Variants in BRCA1 observed in about 807,000 individuals in gnomAD.
BRCA1 encodes the protein breast cancer type 1 susceptibility protein.
In BRCA1, 140 loss-of-function variants were observed where a neutral mutation model predicts 173.7. That is an observed-to-expected ratio of 0.81 (90% CI 0.70 to 0.93). BRCA1 has a LOEUF of 0.93. BRCA1 is among the 40% of genes least tolerant of loss of function. The probability of loss-of-function intolerance (pLI) is 0.00; values close to 1 mark genes in which losing one functional copy is unlikely to be tolerated. For synonymous variants in BRCA1, 662 were observed against 756.0 expected (o/e 0.88, Z 2.04); for missense variants, 1,983 against 2,172.5 (o/e 0.91, Z 1.73).
intron 8 of BRCA1, 57 bp downstream of exon 8, chr17:43,097,187 A>C: frequency 1.3e-6 from 2 of 1,482,850 alleles, no homozygotes; most frequent in Non-Finnish European, 1.9e-6. Context: ...ATCAATCCTT[A>C]ATATTAACTA....
Position 43,144,818 on chromosome 17 carries a change from C to T in BRCA1, c.-19-20703G>A, listed in dbSNP as rs1212106903. The stretch of plus-strand genomic sequence containing the variant: ...GGTGGTTCATCTAAGGTCTGGAGTT[C>T]GAGACCAGCCTGGCCAACATAGCGA... On this transcript the variant is annotated intron_variant, in intron 1 of 7. Transcript: ENST00000634433. The T allele has an allele frequency of 9.5e-6, 4 of 421,812 alleles. No individual in the cohort carries two copies. The East Asian group carries it at 1.8e-4, about 19-fold the overall frequency. 26.1% of individuals were successfully genotyped at this position (421,812 alleles called of 1,614,324 possible).
At chr17:43,089,792 A>G (rs1365142344) in intron 11 of BRCA1, among the ~76,000 whole-genome samples, 1 of 151,838 alleles carries the variant, frequency 6.6e-6, no homozygotes, top group Non-Finnish European at 1.5e-5. Context: ...GGATCACTTG[A>G]GCCCAGGATT....
intron 5 of BRCA1, among the ~76,000 whole-genome samples, 191 bp downstream of exon 5, chr17:43,104,677 G>A (rs1485514631): frequency 7.9e-5 from 12 of 152,186 alleles, no homozygotes; most frequent in African/African-American, 2.9e-4. Context: ...TGAAAAATGT[G>A]CACCTTACGA....
At chr17:43,151,560 C>T (rs1051588247) in intron 1 of BRCA1, among the ~76,000 whole-genome samples, 2 of 152,142 alleles carry the variant, frequency 1.3e-5, no homozygotes, top group Non-Finnish European at 2.9e-5. Context: ...ATTATAAATA[C>T]ATCTTTGTGC....
chr17:43,138,884 A>G, intron 1 of BRCA1: 1 of 778,746 alleles, frequency 1.3e-6, no homozygotes, highest in Non-Finnish European at 2.4e-6. Flanking sequence ...CGGTGTCCCA[A>G]GTTTCCTGAC....
At chr17:43,163,079 G>A (rs1432206115) in intron 1 of BRCA1, 1 of 152,188 alleles carries the variant, frequency 6.6e-6, no homozygotes, top group Non-Finnish European at 1.5e-5. Flanking sequence ...AGGTCCTTTG[G>A]TAGTCATTAA....
chr17:43,055,370 G>A (rs953485712), intron 19 of BRCA1, among the ~76,000 whole-genome samples: 1 of 152,206 alleles, frequency 6.6e-6, no homozygotes, highest in Non-Finnish European at 1.5e-5. Context: ...ATTGGAGGCC[G>A]GGTGCAGTGG....
intron 7 of BRCA1, among the ~76,000 whole-genome samples, chr17:43,098,486 G>A (rs1224783283): frequency 6.6e-6 from 1 of 151,362 alleles, no homozygotes; most frequent in Non-Finnish European, 1.5e-5. Context: ...AGCCTCCCAA[G>A]TAGCTGGGAT....
chr17:43,079,106 G>A (rs1354060363), intron 12 of BRCA1, among the ~76,000 whole-genome samples: 2 of 151,864 alleles, frequency 1.3e-5, no homozygotes, highest in African/African-American at 2.4e-5. Context: ...AGGCTGAGGC[G>A]GACATTGTAA....
At position 43,091,666 on chromosome 17, in the gene BRCA1, T is replaced by G. The variant is rs1064795449; in HGVS notation, c.3865A>C (p.Thr1289Pro). ...ASQEHHLSEE[T>P]KCSASLFSSQ... Reference sequence around the variant, plus strand: ...GAAAACAAGCTAGCAGAACATTTTGTTTCCTCACTAAGGTGATGTTCCTGA... The same window carrying G: ...GAAAACAAGCTAGCAGAACATTTTGGTTCCTCACTAAGGTGATGTTCCTGA... Residue 1289 changes from threonine (T) to proline (P), a missense_variant, in exon 10 of 23, where the codon ACA becomes CCA. Thr to Pro is a conservative substitution (Grantham distance 38). Coordinates refer to ENST00000357654, the MANE Select transcript of BRCA1 (RefSeq NM_007294.4). 1 of 1,614,250 alleles carries G rather than the reference T, an allele frequency of 6.2e-7. No homozygotes were observed. Among genetic ancestry groups the G allele is most frequent in the African/African-American group, 1.3e-5 (1 of 75,078 alleles).
rs572585822 is a variant in BRCA1, at chr17:43,105,072, A to G, written c.213-116T>C. The G allele has an allele frequency of 5.1e-5, 41 of 811,578 alleles. No individual in the cohort carries two copies. The Admixed American group carries it at 6.4e-4, about 13-fold the overall frequency. The allele number at this position is 811,578 out of a possible 1,614,324, so 50.3% of individuals were successfully genotyped here. A position where few individuals can be genotyped will look rare whatever the true frequency, so the allele number is the denominator to read the frequency against. On this transcript the variant is annotated intron_variant, in intron 4 of 22. Coordinates refer to ENST00000357654, the MANE Select transcript of BRCA1 (RefSeq NM_007294.4). ...AAATAAGATGCAGCAACAGTAGAAA[A>G]CCTCTATAATCAATACATCATTGAC...
In BRCA1 at chr17:43,090,867, T is replaced by C. The variant is rs1020513767; in HGVS notation, c.4185+77A>G. On this transcript the variant is annotated intron_variant, in intron 11 of 22. Transcript: ENST00000357654. ...TTCAAAGAGATGATGTCAGCAAACC[T>C]AAGAATGTGGGATACATACTACTGA... 29 of 1,337,636 alleles carry C rather than the reference T, an allele frequency of 2.2e-5. 1 individual carries two copies. The South Asian group carries it at 3.4e-4, about 16-fold the overall frequency. 82.9% of individuals were successfully genotyped at this position (1,337,636 alleles called of 1,614,324 possible).
intron 18 of BRCA1, among the ~76,000 whole-genome samples, chr17:43,059,593 C>T (rs1325780694): frequency 6.6e-6 from 1 of 152,046 alleles, no homozygotes; most frequent in Non-Finnish European, 1.5e-5. Context: ...CCCTACCATG[C>T]CTTCTTCATC....
At position 43,045,117 on chromosome 17, in the gene BRCA1, T is replaced by C. The variant is rs1432195504; in HGVS notation, c.*561A>G. 1.9e-6 allele frequency: 1 copy of C among 533,474 alleles called. No individual in the cohort carries two copies. The highest frequency in any genetic ancestry group is 1.9e-5 in the African/African-American group (1 of 53,806). The allele number at this position is 533,474 out of a possible 1,614,324, so 33.0% of individuals were successfully genotyped here. On this transcript the variant is annotated 3_prime_UTR_variant, in exon 23 of 23. Transcript: ENST00000357654. ...CCATGCCCAGGTTTCAAGTTTCCTTTTCATTTCTAATACCTGCCTCAGAAT... is the reference window on the plus strand; with the variant it reads ...CCATGCCCAGGTTTCAAGTTTCCTTCTCATTTCTAATACCTGCCTCAGAAT...
At chr17:43,125,979 T>C (rs3092986), upstream of BRCA1, among the ~76,000 whole-genome samples, 6,829 of 137,476 alleles carry the variant, frequency 0.05, 208 homozygotes, top group Non-Finnish European at 0.072. Flanking sequence ...TCAACAGTTA[T>C]GGACTGGAGT....
chr17:43,076,489 T>C lies in BRCA1; in HGVS notation c.4483A>G (p.Arg1495Gly). Reference sequence around the variant, plus strand: ...CATCTTTACATTGATGTTTCTTACCTTTCCACTCCTGGTTCTTTATTTTTA... The same window carrying C: ...CATCTTTACATTGATGTTTCTTACCCTTCCACTCCTGGTTCTTTATTTTTA... The part of the protein sequence containing the change: ...TSKNKEPGVE[R>G]SSPSKCPSLD... Residue 1495 changes from arginine to glycine, a missense_variant and splice_region_variant, in exon 13 of 23, where the codon AGG becomes GGG. Physicochemically the swap from Arg to Gly is moderately radical, Grantham distance 125. Coordinates refer to ENST00000357654, the MANE Select transcript of BRCA1 (RefSeq NM_007294.4). The C allele has an allele frequency of 6.2e-7, 1 of 1,613,670 alleles. No homozygotes were observed. Among genetic ancestry groups the C allele is most frequent in the Non-Finnish European group, 8.5e-7 (1 of 1,179,842 alleles).
chr17:43,162,903 G>A (rs2056245706), intron 1 of BRCA1: 3 of 152,138 alleles, frequency 2.0e-5, no homozygotes, highest in Non-Finnish European at 4.4e-5. Flanking sequence ...GGTTGGGCCT[G>A]CTAGAATAAA....
intron 4 of BRCA1, 41 bp downstream of exon 4, chr17:43,106,415 T>A (rs1285470228): frequency 2.3e-6 from 3 of 1,294,158 alleles, no homozygotes; most frequent in Non-Finnish European, 3.3e-6. Context: ...TTTTTCCTAC[T>A]GTGGTTGCTT....
intron 21 of BRCA1, among the ~76,000 whole-genome samples, chr17:43,048,392 G>A (rs1372245436): frequency 6.6e-6 from 1 of 151,994 alleles, no homozygotes; most frequent in African/African-American, 2.4e-5. Flanking sequence ...TAGTAGAGAC[G>A]GGGTTTCGCC....
Sources: gnomAD v4.1 joint callset for allele counts (sites outside exome capture counted in the v4.1 genomes callset) on GRCh38, gnomAD v4.1.1 for gene constraint, MANE v1.5 for transcripts, NCBI Gene and HGNC (gene_info 2026-07-23, HGNC 2026-07-21) for gene names.